PKIB: variants seen among roughly 807,000 people sequenced by gnomAD.
The protein encoded by PKIB is cAMP-dependent protein kinase inhibitor beta.
PKIB carries 2 observed loss-of-function variants against 4.5 expected under a neutral mutation model. The observed-to-expected ratio is 0.44, with a 90% CI of 0.18 to 1.39. The LOEUF (loss-of-function observed/expected upper bound fraction) is 1.39, where lower values mean the gene tolerates loss of function less well. Among genes scored for constraint, PKIB ranks in the 40% most tolerant of loss-of-function variants. PKIB has a pLI of 0.27. For synonymous variants in PKIB, 38 were observed against 36.0 expected, an observed-to-expected ratio of 1.06 and a Z score of -0.20; for missense variants, 94 against 92.6, an observed-to-expected ratio of 1.02 and a Z score of -0.06.
intron 2 of PKIB, chr6:122,482,544 A>ATTTTTTTTTTTTTTTTTTTTTTTTTTTTT (rs571676167): frequency 9.6e-6 from 1 of 103,722 alleles, no homozygotes; most frequent in East Asian, 2.8e-4. Flanking sequence ...TTTAGGTTGG[A>ATTTTTTTTTTTTTTTTTTTTTTTTTTTTT]TTTTTTTTTT....
chr6:122,579,510 C>G (rs1318496113), intron 2 of PKIB, among the ~76,000 whole-genome samples: 1 of 152,166 alleles, frequency 6.6e-6, no homozygotes, highest in Non-Finnish European at 1.5e-5. Flanking sequence ...TACATTACAG[C>G]ACTTTCCAGA....
At chr6:122,573,779 A>G (rs1773444376) in intron 2 of PKIB, among the ~76,000 whole-genome samples, 1 of 152,220 alleles carries the variant, frequency 6.6e-6, no homozygotes, top group Non-Finnish European at 1.5e-5. Context: ...CCTCAAAGTA[A>G]TAAAAGTAAC....
At chr6:122,568,381 G>A (rs1007894689) in intron 2 of PKIB, among the ~76,000 whole-genome samples, 5 of 152,162 alleles carry the variant, frequency 3.3e-5, no homozygotes, top group African/African-American at 1.2e-4. Flanking sequence ...TGAGACAGGT[G>A]AAAAACTGTT....
In PKIB at chr6:122,719,709, CCACACATA is replaced by C. The variant is rs1405094068; in HGVS notation, c.169+1753_169+1760del. On this transcript the variant is annotated intron_variant, in intron 4 of 4. Coordinates refer to ENST00000368452, the MANE Select transcript of PKIB (RefSeq NM_181795.3). ...AGTGAGTAGATTGTGAGTGTTCCCA[CCACACATA>C]CACACACACACACACACACACACAC... 1.1e-3 allele frequency among the ~76,000 whole-genome samples: 146 copies of C among 137,896 alleles called. 1 individual carries two copies. Among genetic ancestry groups the C allele is most frequent in the Middle Eastern group, 7.3e-3 (2 of 274 alleles). 90.5% of individuals were successfully genotyped at this position (137,896 alleles called of 152,430 possible).
intron 3 of PKIB, chr6:122,701,022 A>C (rs1474774548): frequency 6.1e-6 from 1 of 163,686 alleles, no homozygotes; most frequent in Non-Finnish European, 1.3e-5. Flanking sequence ...TTGAGTACCA[A>C]ATGCTCCTTC....
At chr6:122,707,436 A>G (rs1369943358) in intron 3 of PKIB, among the ~76,000 whole-genome samples, 2 of 152,116 alleles carry the variant, frequency 1.3e-5, no homozygotes, top group Non-Finnish European at 2.9e-5. Context: ...AGACATCCTA[A>G]GAGTTTTTCT....
intron 1 of PKIB, among the ~76,000 whole-genome samples, chr6:122,611,586 T>C (rs1774758209): frequency 6.6e-6 from 1 of 152,222 alleles, no homozygotes; most frequent in Non-Finnish European, 1.5e-5. Flanking sequence ...ATTAGAAATA[T>C]TGCGAGTATT....
chr6:122,704,040 A>T (rs971552820), intron 3 of PKIB, among the ~76,000 whole-genome samples: 1 of 151,638 alleles, frequency 6.6e-6, no homozygotes. Flanking sequence ...GACTCAGGAG[A>T]GCTAATGATA....
At chr6:122,619,869 C>T (rs955186290) in intron 1 of PKIB, among the ~76,000 whole-genome samples, 2 of 152,108 alleles carry the variant, frequency 1.3e-5, no homozygotes, top group Non-Finnish European at 2.9e-5. Context: ...CCTTCAAAAC[C>T]ATTCCATCAT....
At chr6:122,600,371 C>T (rs925943179) in intron 3 of PKIB, among the ~76,000 whole-genome samples, 2 of 152,128 alleles carry the variant, frequency 1.3e-5, no homozygotes, top group African/African-American at 4.8e-5. Context: ...ACAGACACAC[C>T]CAGGATCAAT....
intron 2 of PKIB, among the ~76,000 whole-genome samples, chr6:122,661,549 A>G (rs1293154813): frequency 2.0e-5 from 3 of 152,200 alleles, no homozygotes; most frequent in South Asian, 4.1e-4. Context: ...TTGACAAGTA[A>G]TATTACATTG....
chr6:122,627,217 C>G (rs1775487676), intron 1 of PKIB, among the ~76,000 whole-genome samples: 1 of 151,438 alleles, frequency 6.6e-6, no homozygotes, highest in African/African-American at 2.4e-5. Flanking sequence ...GCACTCCAGC[C>G]TGGGCGACAG....
chr6:122,482,719 T>C (rs891478767), intron 2 of PKIB: 4 of 151,878 alleles, frequency 2.6e-5, no homozygotes, highest in African/African-American at 9.7e-5. Context: ...CCCGGCTAAT[T>C]TTTGTATTTT....
intron 3 of PKIB, among the ~76,000 whole-genome samples, chr6:122,702,200 AAAAGTCATGCTGAGAATAT>A (rs1272458848): frequency 6.6e-6 from 1 of 151,644 alleles, no homozygotes; most frequent in Non-Finnish European, 1.5e-5. Flanking sequence ...TAATCCGAAC[AAAAGTCATGCTGAGAATAT>A]AAGGCTACCA....
At chr6:122,488,172 G>A (rs74853123) in intron 2 of PKIB, among the ~76,000 whole-genome samples, 14,048 of 151,536 alleles carry the variant, frequency 0.093, 809 homozygotes, top group South Asian at 0.15. Flanking sequence ...CATTTAACTT[G>A]CATTTGGCTG....
chr6:122,479,995 A>C (rs1160214950), intron 2 of PKIB: 1 of 152,174 alleles, frequency 6.6e-6, no homozygotes, highest in Non-Finnish European at 1.5e-5. Flanking sequence ...TATTTGTAGA[A>C]ATAAGTGAGG....
chr6:122,519,733 C>T (rs1222182462), intron 2 of PKIB, among the ~76,000 whole-genome samples: 2 of 152,110 alleles, frequency 1.3e-5, no homozygotes, highest in Non-Finnish European at 2.9e-5. Flanking sequence ...TTTATGTTTT[C>T]CTGAATCTTT....
chr6:122,587,215 C>T (rs1164878097), intron 3 of PKIB, among the ~76,000 whole-genome samples: 1 of 152,030 alleles, frequency 6.6e-6, no homozygotes, highest in African/African-American at 2.4e-5. Flanking sequence ...TGTGATGTTC[C>T]CCTTCCTGTG....
chr6:122,708,694 C>T (rs556369843), intron 3 of PKIB, among the ~76,000 whole-genome samples: 14 of 152,094 alleles, frequency 9.2e-5, no homozygotes, highest in Admixed American at 2.0e-4. Flanking sequence ...AGTGTAGTAG[C>T]GTGATCTCAG....
Sources: gnomAD v4.1 joint callset for allele counts (sites outside exome capture counted in the v4.1 genomes callset) on GRCh38, gnomAD v4.1.1 for gene constraint, MANE v1.5 for transcripts, NCBI Gene and HGNC (gene_info 2026-07-23, HGNC 2026-07-21) for gene names.